The following CTIF variants were observed in gnomAD, a reference collection of about 807,000 sequenced individuals.
CTIF encodes cap binding complex dependent translation initiation factor.
Under a neutral mutation model 66.0 loss-of-function variants are expected in CTIF, and 21 were observed. The ratio of observed to expected loss-of-function variants is 0.32; its 90% CI spans 0.23 to 0.46. The LOEUF is 0.46. Among genes scored for constraint, CTIF ranks in the 20% least tolerant of loss-of-function variants. The pLI is 1.00. For synonymous variants in CTIF, 345 were observed against 326.4 expected, an observed-to-expected ratio of 1.06 and a Z score of -0.62; for missense variants, 739 against 812.7, an observed-to-expected ratio of 0.91 and a Z score of 1.10.
intron 8 of CTIF, among the ~76,000 whole-genome samples, chr18:48,758,981 C>G (rs988104393): frequency 3.1e-4 from 47 of 152,264 alleles, no homozygotes; most frequent in African/African-American, 1.1e-3. Context: ...GCTCCATTCT[C>G]AGCATCACGC....
chr18:48,705,182 A>T (rs1420788677), intron 6 of CTIF, among the ~76,000 whole-genome samples: 2 of 152,196 alleles, frequency 1.3e-5, no homozygotes, highest in Non-Finnish European at 2.9e-5. Context: ...ACAGCAGTGC[A>T]TCATCTCACA....
At chr18:48,744,301 C>T (rs1440276933) in intron 7 of CTIF, among the ~76,000 whole-genome samples, 2 of 152,184 alleles carry the variant, frequency 1.3e-5, no homozygotes, top group African/African-American at 2.4e-5. Context: ...TATTGTATTT[C>T]ATTTGGTTTG....
rs189681661 is a variant in CTIF at position 48,730,481 on chromosome 18, G to T, written c.584+18786G>T. Among the ~76,000 whole-genome samples, 45 of 119,654 alleles carry T rather than the reference G, an allele frequency of 3.8e-4. 3 individuals carry two copies. The highest frequency in any genetic ancestry group is 5.6e-4 in the African/African-American group (18 of 32,104). 78.5% of individuals were successfully genotyped at this position (119,654 alleles called of 152,430 possible). On this transcript the variant is annotated intron_variant, in intron 7 of 11. Coordinates refer to ENST00000256413, the MANE Select transcript of CTIF (RefSeq NM_014772.3). ...CTTCCGCGGTGTGAGGGGCTTCCGC[G>T]GTGTGAGGGGCTTCTGCGGTGTGAG...
In CTIF at chr18:48,680,867, C is replaced by T. The variant is rs1435415536; in HGVS notation, c.507+10123C>T. 3.9e-5 allele frequency among the ~76,000 whole-genome samples: 6 copies of T among 152,372 alleles called. No homozygotes were observed. The East Asian group carries it at 7.7e-4, about 20-fold the overall frequency. On this transcript the variant is annotated intron_variant, in intron 6 of 11. Transcript: ENST00000256413. Reference sequence around the variant, plus strand: ...CCAATGTCCCATTTCTGGTCTCATTCTCCTTCCTGGCAGCGGTGAGTTTAG... The same window carrying T: ...CCAATGTCCCATTTCTGGTCTCATTTTCCTTCCTGGCAGCGGTGAGTTTAG...
chr18:48,768,484 A>C (rs975035418), intron 9 of CTIF, among the ~76,000 whole-genome samples: 6 of 152,202 alleles, frequency 3.9e-5, no homozygotes, highest in African/African-American at 1.4e-4. Context: ...ATCCCTCCCC[A>C]GGCTTATACA....
rs539493742 is a variant in CTIF, at chr18:48,582,772, A to G, written c.-28-36766A>G. On this transcript the variant is annotated intron_variant, in intron 1 of 11. Coordinates refer to ENST00000256413, the MANE Select transcript of CTIF (RefSeq NM_014772.3). ...ACCTCTAGTTCGTTTAGTCCTTAGAACAACCCTGTGGGGTTGGCCGGTCAT... is the reference window on the plus strand; with the variant it reads ...ACCTCTAGTTCGTTTAGTCCTTAGAGCAACCCTGTGGGGTTGGCCGGTCAT... Among the ~76,000 whole-genome samples the G allele has an allele frequency of 4.5e-4, 68 of 152,220 alleles. 3 individuals carry two copies. The South Asian group carries it at 0.014, about 32-fold the overall frequency.
intron 10 of CTIF, among the ~76,000 whole-genome samples, chr18:48,855,043 A>T (rs1368435862): frequency 6.6e-6 from 1 of 152,254 alleles, no homozygotes; most frequent in Non-Finnish European, 1.5e-5. Flanking sequence ...GCCCTGGAGC[A>T]GGGCCTGGTC....
intron 9 of CTIF, among the ~76,000 whole-genome samples, chr18:48,808,296 C>G (rs552399247): frequency 5.6e-4 from 86 of 152,252 alleles, no homozygotes; most frequent in African/African-American, 2.0e-3. Context: ...TGCCCTTTCC[C>G]CATTTGTTCA....
chr18:48,547,923 G>A (rs899415698), intron 1 of CTIF, among the ~76,000 whole-genome samples: 1 of 152,158 alleles, frequency 6.6e-6, no homozygotes, highest in African/African-American at 2.4e-5. Flanking sequence ...TCCTTCCTCC[G>A]ACGCCCAGAA....
intron 1 of CTIF, among the ~76,000 whole-genome samples, chr18:48,599,555 A>T (rs2090052129): frequency 6.6e-6 from 1 of 152,208 alleles, no homozygotes; most frequent in African/African-American, 2.4e-5. Context: ...TGTCATGAGC[A>T]ATCCCGGGTT....
intron 9 of CTIF, among the ~76,000 whole-genome samples, chr18:48,781,049 G>A (rs527695029): frequency 1.3e-5 from 2 of 152,300 alleles, no homozygotes; most frequent in Non-Finnish European, 2.9e-5. Flanking sequence ...CTGCCTTCAC[G>A]GAGCTTCTGG....
intron 4 of CTIF, 114 bp from the exon 5 acceptor site, chr18:48,664,333 T>C (rs1003619739): frequency 2.2e-6 from 2 of 894,094 alleles, no homozygotes; most frequent in Middle Eastern, 2.2e-4. Context: ...GCCTGGCCCC[T>C]GGCGGCTCCT....
intron 7 of CTIF, among the ~76,000 whole-genome samples, chr18:48,712,997 C>T (rs1471909384): frequency 6.6e-6 from 1 of 152,176 alleles, no homozygotes; most frequent in African/African-American, 2.4e-5. Context: ...CACCAGGCAT[C>T]AAAAAGGAAC....
intron 7 of CTIF, among the ~76,000 whole-genome samples, chr18:48,730,458 T>TCCACGGTGTGTGGGGCCC (rs2092437616): frequency 9.2e-6 from 1 of 108,574 alleles, no homozygotes; most frequent in Non-Finnish European, 2.0e-5. Context: ...GTGAGGGGCT[T>TCCACGGTGTGTGGGGCCC]CCGCGGTGTG....
Position 48,647,906 on chromosome 18 carries a change from G to A in CTIF, c.252+11221G>A, listed in dbSNP as rs529360308. ...AAAAGGACAGAACTTTGGGGCCTGG[G>A]GAGTTCAAAGAAGGCCTCCCTGTGA... On this transcript the variant is annotated intron_variant, in intron 3 of 11. Coordinates refer to ENST00000256413, the MANE Select transcript of CTIF (RefSeq NM_014772.3). Among the ~76,000 whole-genome samples the A allele has an allele frequency of 3.3e-5, 5 of 152,280 alleles. No individual in the cohort carries two copies. The South Asian group carries it at 1.0e-3, about 32-fold the overall frequency.
Position 48,761,668 on chromosome 18 carries a change from C to G in CTIF, c.1350C>G (p.Ser450Arg). 1.2e-6 allele frequency: 2 copies of G among 1,610,842 alleles called. No individual in the cohort carries two copies. The highest frequency in any genetic ancestry group is 8.5e-7 in the Non-Finnish European group (1 of 1,177,316). ...LFMVEGTKFRSLLLNMLQKDF... is the reference protein window; with the variant it reads ...LFMVEGTKFRRLLLNMLQKDF... ...TGGTGGAGGGGACCAAGTTCCGGAG[C>G]CTGCTCCTCAACATGCTGCAGGTAA... The change falls in exon 9 of 12, where the codon AGC (serine) becomes AGG (arginine). Residue 450 changes from serine to arginine, a missense_variant. Ser to Arg is a moderately radical substitution (Grantham distance 110, BLOSUM62 -1). Coordinates refer to ENST00000256413, the MANE Select transcript of CTIF (RefSeq NM_014772.3). The surrounding 1 kb of genome is among the most constrained non-coding windows in gnomAD (Gnocchi z 4.2).
chr18:48,637,947 C>T (rs1180017881), intron 3 of CTIF, among the ~76,000 whole-genome samples: 2 of 152,112 alleles, frequency 1.3e-5, no homozygotes, highest in East Asian at 1.9e-4. Context: ...CTAACATCTC[C>T]GTGCCATTTG....
intron 3 of CTIF, among the ~76,000 whole-genome samples, chr18:48,653,234 C>T (rs138531356): frequency 0.042 from 6,371 of 152,236 alleles, 182 homozygotes; most frequent in South Asian, 0.12. Context: ...AAAACCCCAT[C>T]GTCTCAGCCC....
chr18:48,797,235 C>G (rs1350514350), intron 9 of CTIF, among the ~76,000 whole-genome samples: 1 of 152,210 alleles, frequency 6.6e-6, no homozygotes, highest in African/African-American at 2.4e-5. Flanking sequence ...GTGATCCTAA[C>G]ACTTTGGGAG....
Sources: allele counts gnomAD v4.1 joint callset (sites outside exome capture counted in the v4.1 genomes callset), GRCh38; gene constraint gnomAD v4.1.1; non-coding constraint Gnocchi (gnomAD v3.1); transcripts MANE v1.5; gene names NCBI Gene and HGNC (gene_info 2026-07-23, HGNC 2026-07-21).